ZNF587: variants seen among roughly 807,000 people sequenced by gnomAD.
The protein encoded by ZNF587 is zinc finger protein zfp6.
A neutral mutation model predicts 7.5 loss-of-function variants in ZNF587; 8 were observed. The ratio of observed to expected loss-of-function variants is 1.06; its 90% CI spans 0.62 to 1.92. The LOEUF is 1.92. ZNF587 is among the 40% of genes most tolerant of loss of function. The probability of loss-of-function intolerance (pLI) is 0.00; values close to 1 mark genes in which losing one functional copy is unlikely to be tolerated. For missense variants in ZNF587, 468 were observed against 692.8 expected (o/e 0.68, Z 3.64); for synonymous variants, 145 against 237.8 (o/e 0.61, Z 3.59).
chr19:57,856,804 C>T (rs1600122595), intron 2 of ZNF587, among the ~76,000 whole-genome samples: 1 of 152,036 alleles, frequency 6.6e-6, no homozygotes, highest in African/African-American at 2.4e-5. Context: ...CTTAATGTAT[C>T]CACTTTGCCT....
At chr19:57,850,164 C>A in intron 1 of ZNF587, 93 bp downstream of exon 1, 2 of 1,610,740 alleles carry the variant, frequency 1.2e-6, no homozygotes, top group Non-Finnish European at 1.7e-6. Context: ...GGGTCTGTAG[C>A]CGGTACCCGG....
rs1370864689 is a variant in ZNF587, at chr19:57,864,175, C to T, written c.*4035C>T. On this transcript the variant is annotated 3_prime_UTR_variant, in exon 3 of 3. Coordinates refer to ENST00000339656, the MANE Select transcript of ZNF587 (RefSeq NM_032828.4). ...TTGAGACAGAGTCTCACTCTGTCAC[C>T]CAGGCTGAAGTGCAATGGCATGGTC... 1 of 135,094 alleles carries T rather than the reference C, an allele frequency of 7.4e-6. No individual in the cohort carries two copies. Among genetic ancestry groups the T allele is most frequent in the Non-Finnish European group, 1.5e-5 (1 of 65,084 alleles). 8.4% of individuals were successfully genotyped at this position (135,094 alleles called of 1,614,324 possible).
At chr19:57,853,013 C>T (rs1279045925) in intron 1 of ZNF587, among the ~76,000 whole-genome samples, 10 of 151,524 alleles carry the variant, frequency 6.6e-5, no homozygotes, top group Admixed American at 1.3e-4. Flanking sequence ...CCACCACACT[C>T]GGCTAATTTT....
In ZNF587 at chr19:57,859,419, A is replaced by G; in HGVS notation, c.1007A>G (p.Lys336Arg). The change falls in exon 3 of 3, where the codon AAG (lysine) becomes AGG (arginine). Residue 336 changes from lysine to arginine, a missense_variant. Physicochemically the swap from Lys to Arg is conservative, Grantham distance 26. Around this residue, in one of 5 missense-constraint regions of ZNF587, gnomAD observed 310 missense variants for 325.6 expected, o/e 0.95. Coordinates refer to ENST00000339656, the MANE Select transcript of ZNF587 (RefSeq NM_032828.4). ...GAATGTGGGAAATCTTTTGGTCAAA[A>G]GGGTAACCTCATTCAACATCAGCAA... ...CRECGKSFGQKGNLIQHQQGH... is the reference protein window; with the variant it reads ...CRECGKSFGQRGNLIQHQQGH... The G allele has an allele frequency of 6.2e-7, 1 of 1,610,418 alleles. No homozygotes were observed. Among genetic ancestry groups the G allele is most frequent in the Non-Finnish European group, 8.5e-7 (1 of 1,179,912 alleles).
At chr19:57,857,402 C>T (rs891862282) in intron 2 of ZNF587, 1 of 152,162 alleles carries the variant, frequency 6.6e-6, no homozygotes, top group African/African-American at 2.4e-5. Context: ...TCCACCCCAG[C>T]ACTAATACTC....
In ZNF587 at chr19:57,856,241, G is replaced by A. The variant is rs1173220663; in HGVS notation, c.163+8G>A. 29 of 1,561,342 alleles carry A rather than the reference G, an allele frequency of 1.9e-5. No individual in the cohort carries two copies. The highest frequency in any genetic ancestry group is 2.3e-5 in the Non-Finnish European group (27 of 1,153,144). On this transcript the variant is annotated splice_region_variant and intron_variant, in intron 2 of 2. Transcript: ENST00000339656. ...CTCTCATATCCTCGCTGGGTAAGTT[G>A]CTCACGCTCACCTTTGTGACCTGAG...
At chr19:57,854,960 A>C (rs1238404085) in intron 1 of ZNF587, among the ~76,000 whole-genome samples, 7 of 151,628 alleles carry the variant, frequency 4.6e-5, no homozygotes, top group African/African-American at 1.5e-4. Context: ...GTGGATCAGG[A>C]AGTATGGAGA....
intron 1 of ZNF587, among the ~76,000 whole-genome samples, chr19:57,855,669 C>T (rs1226089397): frequency 2.0e-5 from 3 of 150,814 alleles, no homozygotes; most frequent in Admixed American, 6.6e-5. Flanking sequence ...TCACGCCATT[C>T]TCCGGCCTCA....
In ZNF587 at chr19:57,862,870, A is replaced by G. The variant is rs2071453493; in HGVS notation, c.*2730A>G. 6.4e-6 allele frequency: 1 copy of G among 155,060 alleles called. No individual in the cohort carries two copies. The highest frequency in any genetic ancestry group is 2.4e-5 in the African/African-American group (1 of 41,522). 9.6% of individuals were successfully genotyped at this position (155,060 alleles called of 1,614,324 possible). On this transcript the variant is annotated 3_prime_UTR_variant, in exon 3 of 3. Transcript: ENST00000339656. ...CTTCCTCTTATGGCTGACCAAAAAC[A>G]TGGAACCTCACAAAGTCCACTGTAA...
intron 1 of ZNF587, among the ~76,000 whole-genome samples, chr19:57,855,721 C>T (rs1195630852): frequency 1.3e-5 from 2 of 151,842 alleles, no homozygotes; most frequent in Non-Finnish European, 2.9e-5. Context: ...ACCACCATGC[C>T]CGGCTAATTT....
intron 1 of ZNF587, 164 bp from the exon 2 acceptor site, chr19:57,855,940 T>A (rs2071349631): frequency 1.6e-6 from 2 of 1,245,406 alleles, no homozygotes; most frequent in Non-Finnish European, 2.2e-6. Flanking sequence ...GCTGATGGCA[T>A]TTGACCAGCA....
chr19:57,853,042 G>A (rs1258694743), intron 1 of ZNF587, among the ~76,000 whole-genome samples: 5 of 151,270 alleles, frequency 3.3e-5, no homozygotes, highest in Admixed American at 1.3e-4. Flanking sequence ...TAGTAAAGTC[G>A]GGGTTTCACC....
In ZNF587 at chr19:57,849,876, G is replaced by C; in HGVS notation, c.-163G>C. 2.7e-6 allele frequency: 4 copies of C among 1,499,706 alleles called. No individual in the cohort carries two copies. The highest frequency in any genetic ancestry group is 3.6e-6 in the Non-Finnish European group (4 of 1,123,466). The allele number at this position is 1,499,706 out of a possible 1,614,324, so 92.9% of individuals were successfully genotyped here. A position where few individuals can be genotyped will look rare whatever the true frequency, so the allele number is the denominator to read the frequency against. On this transcript the variant is annotated 5_prime_UTR_variant, in exon 1 of 3. Transcript: ENST00000339656. ...GGGTCTCTAGTAGCGGCTGTGTATCGGCGATGCGGGTGTTTCCCCAGTTTG... is the reference window on the plus strand; with the variant it reads ...GGGTCTCTAGTAGCGGCTGTGTATCCGCGATGCGGGTGTTTCCCCAGTTTG...
rs1247296304 is a variant in ZNF587, at chr19:57,862,260, T to C, written c.*2120T>C. Reference sequence around the variant, plus strand: ...TATTTCTTTTGTTCCAAGTTTGTACTTCCTCACAGTTCTCACATATGGAAA... The same window carrying C: ...TATTTCTTTTGTTCCAAGTTTGTACCTCCTCACAGTTCTCACATATGGAAA... On this transcript the variant is annotated 3_prime_UTR_variant, in exon 3 of 3. Transcript: ENST00000339656. The C allele has an allele frequency of 6.6e-6, 1 of 152,224 alleles. No individual in the cohort carries two copies. The highest frequency in any genetic ancestry group is 1.9e-4 in the East Asian group (1 of 5,186). The allele number at this position is 152,224 out of a possible 1,614,324, so 9.4% of individuals were successfully genotyped here.
At chr19:57,852,618 C>G (rs1250388102) in intron 1 of ZNF587, among the ~76,000 whole-genome samples, 1 of 151,942 alleles carries the variant, frequency 6.6e-6, no homozygotes, top group South Asian at 2.1e-4. Flanking sequence ...GCCTCTGCCT[C>G]CCAGGTTCAA....
Position 57,863,630 on chromosome 19 carries a change from T to C in ZNF587, c.*3490T>C, listed in dbSNP as rs936942115. 1 of 152,234 alleles carries C rather than the reference T, an allele frequency of 6.6e-6. No homozygotes were observed. Among genetic ancestry groups the C allele is most frequent in the African/African-American group, 2.4e-5 (1 of 41,466 alleles). The allele number at this position is 152,234 out of a possible 1,614,324, so 9.4% of individuals were successfully genotyped here. ...AATTTGCTAATGGAATCTCTGTTATTTTCCTAACATGCTTGGTGGATACAA... is the reference window on the plus strand; with the variant it reads ...AATTTGCTAATGGAATCTCTGTTATCTTCCTAACATGCTTGGTGGATACAA... On this transcript the variant is annotated 3_prime_UTR_variant, in exon 3 of 3. Transcript: ENST00000339656.
chr19:57,850,428 G>T (rs1322097746), intron 1 of ZNF587: 1 of 540,264 alleles, frequency 1.9e-6, no homozygotes, highest in Middle Eastern at 4.8e-4. Context: ...GTGCTGATCA[G>T]TCTGGTTGGA....
At chr19:57,858,208 C>G (rs1284958719) in intron 2 of ZNF587, 2 of 259,842 alleles carry the variant, frequency 7.7e-6, no homozygotes, top group African/African-American at 4.8e-5. Context: ...TCACTACAAA[C>G]CTCTGCCTTC....
chr19:57,859,786 C>T lies in ZNF587; in HGVS notation c.1374C>T (p.His458=), dbSNP rs765050241. 1.9e-6 allele frequency: 3 copies of T among 1,614,040 alleles called. No individual in the cohort carries two copies. Among genetic ancestry groups the T allele is most frequent in the Admixed American group, 1.7e-5 (1 of 60,006 alleles). Residue 458 remains histidine (H), a synonymous_variant, in exon 3 of 3, where the codon CAC becomes CAT. Coordinates refer to ENST00000339656, the MANE Select transcript of ZNF587 (RefSeq NM_032828.4). Reference sequence around the variant, plus strand: ...ATCTTCTGGTTCATGAGAGAGTTCACACTGGAGAAAGGCCATATGCGTGTG... The same window carrying T: ...ATCTTCTGGTTCATGAGAGAGTTCATACTGGAGAAAGGCCATATGCGTGTG... ...KYHLLVHERV[H]TGERPYACEV... is the part of the protein sequence containing the mutation.
Sources: allele counts gnomAD v4.1 joint callset (sites outside exome capture counted in the v4.1 genomes callset), GRCh38; gene constraint gnomAD v4.1.1; regional missense constraint gnomAD v4.1.1; transcripts MANE v1.5; gene names NCBI Gene and HGNC (gene_info 2026-07-23, HGNC 2026-07-21).